The following PEX6 variants were observed in gnomAD, a reference collection of about 807,000 sequenced individuals.
PEX6 encodes peroxisome biogenesis factor 6.
Under a neutral mutation model 85.6 loss-of-function variants are expected in PEX6, and 55 were observed. The observed-to-expected ratio is 0.64, with a 90% confidence interval of 0.52 to 0.80. The LOEUF (loss-of-function observed/expected upper bound fraction) is 0.80, where lower values mean the gene tolerates loss of function less well. PEX6 is among the 30% of genes least tolerant of loss of function. The pLI is 0.00. For missense variants in PEX6, 1,099 were observed against 1,260.3 expected, an observed-to-expected ratio of 0.87 and a Z score of 1.94; for synonymous variants, 519 against 549.1, an observed-to-expected ratio of 0.95 and a Z score of 0.77.
In PEX6 at chr6:42,966,459, A is replaced by C. The variant is rs760820489; in HGVS notation, c.2095-12T>G. The C allele has an allele frequency of 7.4e-6, 12 of 1,613,926 alleles. No individual in the cohort carries two copies. The highest frequency in any genetic ancestry group is 1.0e-5 in the Non-Finnish European group (12 of 1,179,990). On this transcript the variant is annotated splice_polypyrimidine_tract_variant and intron_variant, in intron 10 of 16. Coordinates refer to ENST00000304611, the MANE Select transcript of PEX6 (RefSeq NM_000287.4). ...GACACTGAGGGGATCTAGGAGATGGAAAGTGCGTGGTTGGGATATGCTCTT... is the reference window on the plus strand; with the variant it reads ...GACACTGAGGGGATCTAGGAGATGGCAAGTGCGTGGTTGGGATATGCTCTT...
chr6:42,976,276 G>A (rs566675791), intron 1 of PEX6, among the ~76,000 whole-genome samples: 3 of 152,118 alleles, frequency 2.0e-5, no homozygotes, highest in African/African-American at 7.2e-5. Context: ...GTGGCTGGTG[G>A]CTTCCATATT....
At chr6:42,969,825 T>C in intron 4 of PEX6, 24 bp from the exon 5 acceptor site, 1 of 1,614,060 alleles carries the variant, frequency 6.2e-7, no homozygotes, top group Non-Finnish European at 8.5e-7. Flanking sequence ...TAAAAAGCTT[T>C]CGTTTCTAAA....
rs2114244672 is a variant in PEX6, at chr6:42,968,344, G to A, written c.1634C>T (p.Ala545Val). The change falls in exon 7 of 17, where the codon GCC (alanine) becomes GTC (valine). Residue 545 changes from alanine (A) to valine (V), a missense_variant. This residue lies in a region of PEX6 where 514 missense variants were observed against 627.0 expected (regional missense o/e 0.82). Coordinates refer to ENST00000304611, the MANE Select transcript of PEX6 (RefSeq NM_000287.4). ...GTGACGCAGCACAGCCATCACACGG[G>A]CATCCTCACCCAGCCCATCACGGTC... ...GRDRDGLGED[A>V]RVMAVLRHLL... is the part of the protein sequence containing the mutation. 7 of 1,614,176 alleles carry A rather than the reference G, an allele frequency of 4.3e-6. No homozygotes were observed. The highest frequency in any genetic ancestry group is 5.9e-6 in the Non-Finnish European group (7 of 1,180,034).
chr6:42,965,285 T>C lies in PEX6; in HGVS notation c.2555A>G (p.Asp852Gly). 6.2e-7 allele frequency: 1 copy of C among 1,614,080 alleles called. No individual in the cohort carries two copies. Among genetic ancestry groups the C allele is most frequent in the Non-Finnish European group, 8.5e-7 (1 of 1,179,962 alleles). ...CCGCAGAAGGGCAGGGTCCAGGAGA[T>C]CTGGTCTGTTGGTGGCTCCAATCAC... ...VFVIGATNRP[D>G]LLDPALLRPG... is the part of the protein sequence containing the mutation. The change falls in exon 14 of 17, where the codon GAT (aspartate) becomes GGT (glycine). Residue 852 changes from aspartate to glycine, a missense_variant. Asp to Gly is a moderately conservative substitution (Grantham distance 94, BLOSUM62 -1). Around this residue, in one of 3 missense-constraint regions of PEX6, gnomAD observed 514 missense variants for 627.0 expected, o/e 0.82. Coordinates refer to ENST00000304611, the MANE Select transcript of PEX6 (RefSeq NM_000287.4). This position sits in a 1 kb window ranked among gnomAD's most constrained non-coding sequence, Gnocchi z 5.0.
intron 2 of PEX6, among the ~76,000 whole-genome samples, chr6:42,974,451 G>GTTTTTTTTTTTTTTTTT (rs541877938): frequency 1.6e-5 from 1 of 61,016 alleles, no homozygotes; most frequent in Non-Finnish European, 3.3e-5. Context: ...TGTTTTTTTT[G>GTTTTTTTTTTTTTTTTT]TTTTTTTTTT....
In PEX6 at chr6:42,965,484, A is replaced by C; in HGVS notation, c.2472-116T>G. The C allele has an allele frequency of 1.1e-6, 1 of 937,288 alleles. No individual in the cohort carries two copies. The highest frequency in any genetic ancestry group is 1.8e-6 in the Non-Finnish European group (1 of 567,784). 58.1% of individuals were successfully genotyped at this position (937,288 alleles called of 1,614,324 possible). ...CAGGGCCCTCCACTCAGCTGTGCCC[A>C]ATGTGCCCCACCAGGTAGGCCCCCA... On this transcript the variant is annotated intron_variant, in intron 13 of 16. Coordinates refer to ENST00000304611, the MANE Select transcript of PEX6 (RefSeq NM_000287.4). This position sits in a 1 kb window ranked among gnomAD's most constrained non-coding sequence, Gnocchi z 5.0.
chr6:42,966,501 C>T (rs780803246), intron 10 of PEX6, 24 bp downstream of exon 10: 5 of 1,614,032 alleles, frequency 3.1e-6, no homozygotes, highest in Non-Finnish European at 4.2e-6. Context: ...GCTCCTGTCC[C>T]ACCTCCAAGG....
At chr6:42,972,052 A>G (rs1770070514) in intron 3 of PEX6, among the ~76,000 whole-genome samples, 1 of 152,154 alleles carries the variant, frequency 6.6e-6, no homozygotes, top group South Asian at 2.1e-4. Context: ...CCACCCTGAG[A>G]CTGGGGGTAC....
rs1554127387 is a variant in PEX6, at chr6:42,968,902, C to T, written c.1451G>A (p.Cys484Tyr). Residue 484 changes from cysteine (C) to tyrosine (Y), a missense_variant, in exon 6 of 17, where the codon TGT (cysteine) becomes TAT (tyrosine). By Grantham distance (194) the Cys-to-Tyr change is radical. Around this residue, in one of 3 missense-constraint regions of PEX6, gnomAD observed 6 missense variants for 21.8 expected, o/e 0.28. Transcript: ENST00000304611. ...CGKTTVVAAA[C>Y]SHLGLHLLKV... Reference sequence around the variant, plus strand: ...CAGTAAGTGGAGCCCAAGGTGACTACAGGCAGCAGCAACTACTGTGGTCTT... The same window carrying T: ...CAGTAAGTGGAGCCCAAGGTGACTATAGGCAGCAGCAACTACTGTGGTCTT... 1.9e-6 allele frequency: 3 copies of T among 1,614,002 alleles called. No individual in the cohort carries two copies. The highest frequency in any genetic ancestry group is 1.7e-6 in the Non-Finnish European group (2 of 1,179,874).
chr6:42,978,224 G>A (rs1561830072), intron 1 of PEX6, 45 bp downstream of exon 1: 2 of 1,596,054 alleles, frequency 1.3e-6, no homozygotes, highest in Admixed American at 1.7e-5. Context: ...AGAGAAGAGG[G>A]TATAAGAAAG....
rs2150240570 is a variant in PEX6, at chr6:42,978,935, C to A, written c.216G>T (p.Pro72=). 6.7e-7 allele frequency: 1 copy of A among 1,488,610 alleles called. No individual in the cohort carries two copies. The highest frequency in any genetic ancestry group is 8.9e-7 in the Non-Finnish European group (1 of 1,127,720). 92.2% of individuals were successfully genotyped at this position (1,488,610 alleles called of 1,614,324 possible). A position where few individuals can be genotyped will look rare whatever the true frequency, so the allele number is the denominator to read the frequency against. Residue 72 remains proline, a synonymous_variant, in exon 1 of 17, where the codon CCG becomes CCT. Transcript: ENST00000304611. ...GCAGCGCGCGGCTAACCAGTAGCTG[C>A]GGCGGCCCGGGACCCTGCTCTTCGG... ...AGTEEQGPGP[P]QLLVSRALLR... is the part of the protein sequence containing the mutation.
chr6:42,973,936 A>T, intron 3 of PEX6, 67 bp downstream of exon 3: 1 of 1,029,532 alleles, frequency 9.7e-7, no homozygotes, highest in East Asian at 2.4e-5. Flanking sequence ...ATTTGCAGGG[A>T]GGGGATTGTA....
chr6:42,967,600 T>C, intron 7 of PEX6, 37 bp from the exon 8 acceptor site: 1 of 1,563,266 alleles, frequency 6.4e-7, no homozygotes, highest in Non-Finnish European at 8.7e-7. Flanking sequence ...GGTGAGAACA[T>C]GGCTGGCAGC....
chr6:42,972,496 T>C (rs73733774), intron 3 of PEX6, among the ~76,000 whole-genome samples: 10,958 of 152,110 alleles, frequency 0.072, 509 homozygotes, highest in African/African-American at 0.13. Flanking sequence ...CCTGGCTGGG[T>C]GCGGTGGCTC....
intron 2 of PEX6, 102 bp from the exon 3 acceptor site, chr6:42,974,188 A>C: frequency 1.2e-6 from 1 of 866,060 alleles, no homozygotes; most frequent in Non-Finnish European, 1.9e-6. Flanking sequence ...TCTTGAGTCT[A>C]CTGCCCGCCC....
chr6:42,965,246 G>A lies in PEX6; in HGVS notation c.2588+6C>T, dbSNP rs746036884. The A allele has an allele frequency of 1.2e-6, 2 of 1,611,606 alleles. No homozygotes were observed. Among genetic ancestry groups the A allele is most frequent in the Non-Finnish European group, 1.7e-6 (2 of 1,177,682 alleles). On this transcript the variant is annotated splice_donor_region_variant and intron_variant, in intron 14 of 16. Coordinates refer to ENST00000304611, the MANE Select transcript of PEX6 (RefSeq NM_000287.4). The surrounding 1 kb of genome is among the most constrained non-coding windows in gnomAD (Gnocchi z 5.0). The stretch of plus-strand genomic sequence containing the variant: ...AGGGTGGAGATGAGCAGTACAAGGG[G>A]CCCACCTGCCAGGCCGCAGAAGGGC...
At chr6:42,968,196 T>G in intron 7 of PEX6, 94 bp downstream of exon 7, 1 of 1,052,942 alleles carries the variant, frequency 9.5e-7, no homozygotes. Context: ...GTGATCCACC[T>G]GCCTCGGCCT....
chr6:42,965,850 G>A lies in PEX6; in HGVS notation c.2363-61C>T. 1.4e-6 allele frequency: 2 copies of A among 1,468,152 alleles called. No individual in the cohort carries two copies. The highest frequency in any genetic ancestry group is 1.1e-5 in the South Asian group (1 of 88,006). The allele number at this position is 1,468,152 out of a possible 1,614,324, so 90.9% of individuals were successfully genotyped here. On this transcript the variant is annotated intron_variant, in intron 12 of 16. Transcript: ENST00000304611. This position sits in a 1 kb window ranked among gnomAD's most constrained non-coding sequence, Gnocchi z 5.0. ...TCGGCTTGTGGGGGGTTGAAGTTAGGTGAGAGCAGGGAGGGAAACTGGGGC... is the reference window on the plus strand; with the variant it reads ...TCGGCTTGTGGGGGGTTGAAGTTAGATGAGAGCAGGGAGGGAAACTGGGGC...
chr6:42,969,638 C>T, intron 5 of PEX6, 30 bp downstream of exon 5: 1 of 1,612,038 alleles, frequency 6.2e-7, no homozygotes, highest in Admixed American at 1.7e-5. Context: ...GCAGGCTTTT[C>T]TCACACCCTG....
Sources: gnomAD v4.1 joint callset for allele counts (sites outside exome capture counted in the v4.1 genomes callset) on GRCh38, gnomAD v4.1.1 for gene constraint, gnomAD v4.1.1 regional missense constraint, Gnocchi (gnomAD v3.1) non-coding constraint, MANE v1.5 for transcripts, NCBI Gene and HGNC (gene_info 2026-07-23, HGNC 2026-07-21) for gene names.